Variants in ZBTB41 observed in about 807,000 individuals in gnomAD.
ZBTB41 encodes the protein zinc finger and BTB domain-containing protein 41.
Under a neutral mutation model 87.6 loss-of-function variants are expected in ZBTB41, and 42 were observed. The observed-to-expected ratio is 0.48, with a 90% CI of 0.37 to 0.62. ZBTB41 has a LOEUF of 0.62. Ranked by LOEUF, ZBTB41 falls within the 20% of genes least tolerant of loss-of-function variation. The pLI is 0.00. For missense variants in ZBTB41, 799 were observed against 1,078.9 expected (o/e 0.74, Z 3.63); for synonymous variants, 364 against 364.0 (o/e 1.00, Z 0.00).
chr1:197,159,799 C>G lies in ZBTB41; in HGVS notation c.2290G>C (p.Val764Leu), dbSNP rs754581085. Reference protein sequence around the residue: ...DPLSTSEEKLVSLPVEYSSDD... With the variant: ...DPLSTSEEKLLSLPVEYSSDD... ...GATGAGTACTCAACTGGCAAGGATA[C>G]AAGTTTTTCCTCAGAAGTACTGAGA... The change falls in exon 11 of 11, where the codon GTA becomes CTA. Residue 764 changes from valine (V) to leucine (L), a missense_variant. By Grantham distance (32) the Val-to-Leu change is conservative. Around this residue, in one of 5 missense-constraint regions of ZBTB41, gnomAD observed 171 missense variants for 191.9 expected, o/e 0.89. Coordinates refer to ENST00000367405, the MANE Select transcript of ZBTB41 (RefSeq NM_194314.3). The G allele has an allele frequency of 2.4e-5, 38 of 1,613,854 alleles. No homozygotes were observed. The highest frequency in any genetic ancestry group is 8.3e-5 in the Admixed American group (5 of 59,982).
At chr1:197,165,772 TA>T (rs1041203010) in intron 10 of ZBTB41, among the ~76,000 whole-genome samples, 5 of 151,434 alleles carry the variant, frequency 3.3e-5, no homozygotes, top group African/African-American at 1.2e-4. Flanking sequence ...AAAGGCAAAT[TA>T]AAAAAAATAT....
At chr1:197,200,801 C>T (rs1350456450) in intron 1 of ZBTB41, among the ~76,000 whole-genome samples, 4 of 152,310 alleles carry the variant, frequency 2.6e-5, no homozygotes, top group Middle Eastern at 3.4e-3. Context: ...TAAAGGAACC[C>T]AGGCACACCT....
intron 6 of ZBTB41, among the ~76,000 whole-genome samples, chr1:197,178,720 G>A (rs150877913): frequency 1.7e-3 from 262 of 151,956 alleles, no homozygotes; most frequent in African/African-American, 6.0e-3. Context: ...AAAATACTTC[G>A]GCCTCATTTG....
chr1:197,159,824 A>G lies in ZBTB41; in HGVS notation c.2265T>C (p.Pro755=). The G allele has an allele frequency of 6.2e-7, 1 of 1,614,018 alleles. No homozygotes were observed. ...HVHEIKSPDD[P]LSTSEEKLVS... ...CAAGTTTTTCCTCAGAAGTACTGAG[A>G]GGATCATCAGGAGATTTTATTTCAT... The change falls in exon 11 of 11, where the codon CCT becomes CCC. Residue 755 remains proline, a synonymous_variant. Transcript: ENST00000367405.
At chr1:197,176,985 C>T (rs1164695453) in intron 7 of ZBTB41, among the ~76,000 whole-genome samples, 1 of 152,098 alleles carries the variant, frequency 6.6e-6, no homozygotes, top group African/African-American at 2.4e-5. Flanking sequence ...AGGTTATTAT[C>T]TAGCTGACTG....
At chr1:197,169,252 T>C (rs1462337227) in intron 10 of ZBTB41, among the ~76,000 whole-genome samples, 1 of 152,006 alleles carries the variant, frequency 6.6e-6, no homozygotes, top group Non-Finnish European at 1.5e-5. Flanking sequence ...AAAGAATGCA[T>C]ATGTGTATGA....
Position 197,178,528 on chromosome 1 carries a change from T to C in ZBTB41, c.1677-16A>G, listed in dbSNP as rs1250052365. The C allele has an allele frequency of 1.1e-5, 18 of 1,577,562 alleles. No individual in the cohort carries two copies. Among genetic ancestry groups the C allele is most frequent in the Non-Finnish European group, 1.6e-5 (18 of 1,160,510 alleles). ...CAAAGTAGTTCTGCATTAAAATATA[T>C]AGATTCGAGATTTTTTAAATGCCTA... is the stretch of plus-strand genomic sequence containing the variant. On this transcript the variant is annotated splice_polypyrimidine_tract_variant and intron_variant, in intron 6 of 10. Coordinates refer to ENST00000367405, the MANE Select transcript of ZBTB41 (RefSeq NM_194314.3).
At position 197,200,040 on chromosome 1, in the gene ZBTB41, G is replaced by A; in HGVS notation, c.434C>T (p.Thr145Ile). The A allele has an allele frequency of 6.2e-7, 1 of 1,613,022 alleles. No homozygotes were observed. The highest frequency in any genetic ancestry group is 8.5e-7 in the Non-Finnish European group (1 of 1,179,772). The part of the protein sequence containing the change: ...VFQHLLEFLY[T>I]SEFFVYKYEI... ...ATATTTGTACACAAAAAATTCTGATGTGTAAAGAAATTCAAGCAAATGCTG... is the reference window on the plus strand; with the variant it reads ...ATATTTGTACACAAAAAATTCTGATATGTAAAGAAATTCAAGCAAATGCTG... The change falls in exon 2 of 11, where the codon ACA becomes ATA. Residue 145 changes from threonine (T) to isoleucine (I), a missense_variant. By Grantham distance (89) the Thr-to-Ile change is moderately conservative (BLOSUM62 -1). Transcript: ENST00000367405.
rs778431219 is a variant in ZBTB41, at chr1:197,200,443, G to A, written c.31C>T (p.Leu11Phe). 3.1e-6 allele frequency: 5 copies of A among 1,600,156 alleles called. No homozygotes were observed. The highest frequency in any genetic ancestry group is 1.1e-5 in the South Asian group (1 of 87,704). The change falls in exon 2 of 11, where the codon CTT becomes TTT. Residue 11 changes from leucine to phenylalanine, a missense_variant. Coordinates refer to ENST00000367405, the MANE Select transcript of ZBTB41 (RefSeq NM_194314.3). MKKRRKVTSN[L>F]EKIHLGYHKD... ...TGATAGCCTAGATGGATCTTCTCAA[G>A]ATTTGAAGTAACCTTTCTCCTCTTC...
intron 5 of ZBTB41, among the ~76,000 whole-genome samples, chr1:197,184,653 A>G (rs1223583317): frequency 6.6e-6 from 1 of 152,190 alleles, no homozygotes; most frequent in Non-Finnish European, 1.5e-5. Context: ...TGTAAATCAT[A>G]TCACATTATT....
intron 5 of ZBTB41, among the ~76,000 whole-genome samples, chr1:197,186,533 C>T (rs1557984159): frequency 6.6e-6 from 1 of 152,068 alleles, no homozygotes; most frequent in South Asian, 2.1e-4. Flanking sequence ...ATACAAAGAA[C>T]TCTCAAAACT....
chr1:197,171,200 G>C (rs752948068), intron 10 of ZBTB41, among the ~76,000 whole-genome samples: 1 of 152,044 alleles, frequency 6.6e-6, no homozygotes, highest in Non-Finnish European at 1.5e-5. Context: ...ATTTACAAAA[G>C]ATATGGAAGA....
chr1:197,177,332 C>T (rs143190539), intron 7 of ZBTB41, among the ~76,000 whole-genome samples: 3 of 152,196 alleles, frequency 2.0e-5, no homozygotes, highest in African/African-American at 7.2e-5. Flanking sequence ...GTAAGACGTG[C>T]CTTGCTTGCA....
At chr1:197,169,078 A>G (rs1659416778) in intron 10 of ZBTB41, among the ~76,000 whole-genome samples, 1 of 152,078 alleles carries the variant, frequency 6.6e-6, no homozygotes, top group African/African-American at 2.4e-5. Context: ...AAAAGTATCA[A>G]ATGTTGGTGA....
rs192230147 is a variant in ZBTB41, at chr1:197,164,630, A to C, written c.2075-4616T>G. 7.1e-3 allele frequency among the ~76,000 whole-genome samples: 1,053 copies of C among 147,656 alleles called. 12 individuals carry two copies. Among genetic ancestry groups the C allele is most frequent in the African/African-American group, 0.025 (999 of 40,494 alleles). On this transcript the variant is annotated intron_variant, in intron 10 of 10. Coordinates refer to ENST00000367405, the MANE Select transcript of ZBTB41 (RefSeq NM_194314.3). The stretch of plus-strand genomic sequence containing the variant: ...AAAGAGCAACATTTTATAATGATAT[A>C]AAAGACCATTCAACAGAAAGATATG...
At chr1:197,193,886 T>A (rs907371208) in intron 2 of ZBTB41, among the ~76,000 whole-genome samples, 1 of 152,248 alleles carries the variant, frequency 6.6e-6, no homozygotes. Flanking sequence ...GTATACAGTC[T>A]GATTTTTTAA....
chr1:197,174,109 G>C (rs1659541521), intron 9 of ZBTB41, among the ~76,000 whole-genome samples: 1 of 152,046 alleles, frequency 6.6e-6, no homozygotes, highest in Non-Finnish European at 1.5e-5. Flanking sequence ...AAATTCTGTA[G>C]GGCCTTGCAT....
intron 10 of ZBTB41, among the ~76,000 whole-genome samples, chr1:197,169,915 T>C (rs913951144): frequency 3.3e-5 from 5 of 151,990 alleles, no homozygotes; most frequent in Non-Finnish European, 5.9e-5. Context: ...GAAAATCTTA[T>C]ATACATTTTC....
chr1:197,185,582 C>A (rs1659860647), intron 5 of ZBTB41, among the ~76,000 whole-genome samples: 1 of 151,200 alleles, frequency 6.6e-6, no homozygotes, highest in South Asian at 2.1e-4. Flanking sequence ...CCCACTGGCA[C>A]ATTTGTCACC....
Sources: gnomAD v4.1 joint callset for allele counts (sites outside exome capture counted in the v4.1 genomes callset) on GRCh38, gnomAD v4.1.1 for gene constraint, gnomAD v4.1.1 regional missense constraint, MANE v1.5 for transcripts, NCBI Gene and HGNC (gene_info 2026-07-23, HGNC 2026-07-21) for gene names.